Variants in FOCAD observed in about 807,000 individuals in gnomAD.
The protein encoded by FOCAD is focadhesin.
Under a neutral mutation model 225.6 loss-of-function variants are expected in FOCAD, and 198 were observed. That is an observed-to-expected ratio of 0.88 (90% CI 0.78 to 0.99). The LOEUF (loss-of-function observed/expected upper bound fraction) is 0.99. Among genes scored for constraint, FOCAD ranks in the 50% least tolerant of loss-of-function variants. The pLI, the probability that FOCAD is intolerant of heterozygous loss-of-function variation, is 0.00. For synonymous variants in FOCAD, 897 were observed against 755.0 expected, an observed-to-expected ratio of 1.19 and a Z score of -3.08; for missense variants, 2,713 against 2,123.6, an observed-to-expected ratio of 1.28 and a Z score of -5.46.
At chr9:20,834,957 CAAAT>C (rs1825857631) in intron 15 of FOCAD, among the ~76,000 whole-genome samples, 1 of 151,920 alleles carries the variant, frequency 6.6e-6, no homozygotes, top group African/African-American at 2.4e-5. Flanking sequence ...TGTATTGTGT[CAAAT>C]AAAATATATT....
chr9:20,915,282 GAGA>G (rs1274539955), intron 23 of FOCAD, among the ~76,000 whole-genome samples: 2 of 152,166 alleles, frequency 1.3e-5, no homozygotes, highest in African/African-American at 2.4e-5. Flanking sequence ...AATAAAGAAA[GAGA>G]AGATTTCAAA....
chr9:20,860,042 G>T (rs1828618952), intron 15 of FOCAD, among the ~76,000 whole-genome samples: 1 of 152,058 alleles, frequency 6.6e-6, no homozygotes, highest in East Asian at 1.9e-4. Flanking sequence ...CACTTTACAT[G>T]AGGAATTGTA....
chr9:20,864,340 G>T (rs983416286), intron 16 of FOCAD, among the ~76,000 whole-genome samples: 1 of 151,952 alleles, frequency 6.6e-6, no homozygotes, highest in African/African-American at 2.4e-5. Flanking sequence ...CTGGAATCTG[G>T]CCTCATTAGT....
At chr9:20,987,590 A>C (rs1171567181) in intron 40 of FOCAD, among the ~76,000 whole-genome samples, 1 of 152,066 alleles carries the variant, frequency 6.6e-6, no homozygotes, top group Non-Finnish European at 1.5e-5. Context: ...GTGCCTTTCC[A>C]CTGAAAAATG....
At chr9:20,804,809 C>A (rs1007877051) in intron 11 of FOCAD, among the ~76,000 whole-genome samples, 2 of 151,586 alleles carry the variant, frequency 1.3e-5, no homozygotes, top group Non-Finnish European at 2.9e-5. Flanking sequence ...TCCGGGAAAT[C>A]CTTCTGAAGA....
At chr9:20,794,769 A>G (rs1328623800) in intron 11 of FOCAD, among the ~76,000 whole-genome samples, 2 of 152,196 alleles carry the variant, frequency 1.3e-5, no homozygotes, top group African/African-American at 2.4e-5. Context: ...TTGGAATACC[A>G]TTGGTGGATT....
At position 20,770,189 on chromosome 9, in the gene FOCAD, G is replaced by T. The variant is rs762612023; in HGVS notation, c.857G>T (p.Cys286Phe). 2 of 1,614,022 alleles carry T rather than the reference G, an allele frequency of 1.2e-6. No individual in the cohort carries two copies. Among genetic ancestry groups the T allele is most frequent in the Admixed American group, 1.7e-5 (1 of 59,974 alleles). ...SEVSLKITGE[C>F]SSSIHLLEHS... ...GTCAGCTTAAAGATAACTGGTGAAT[G>T]TTCATCTTCAATTCACCTTTTAGAG... The change falls in exon 8 of 44, where the codon TGT (cysteine) becomes TTT (phenylalanine). Residue 286 changes from cysteine to phenylalanine, a missense_variant. Physicochemically the swap from Cys to Phe is radical, Grantham distance 205. Coordinates refer to ENST00000338382, the MANE Select transcript of FOCAD (RefSeq NM_001375567.1).
At chr9:20,912,555 A>G (rs1833525429) in intron 22 of FOCAD, among the ~76,000 whole-genome samples, 1 of 152,172 alleles carries the variant, frequency 6.6e-6, no homozygotes, top group Non-Finnish European at 1.5e-5. Context: ...AAGGCAGATC[A>G]CTAGCAGGTA....
chr9:20,828,229 A>G (rs1018568157), intron 15 of FOCAD, among the ~76,000 whole-genome samples: 1 of 151,950 alleles, frequency 6.6e-6, no homozygotes, highest in Non-Finnish European at 1.5e-5. Context: ...GTAAGATGAT[A>G]GATATATTAG....
chr9:20,980,502 A>AT (rs201026519), intron 37 of FOCAD, among the ~76,000 whole-genome samples: 1 of 72,640 alleles, frequency 1.4e-5, no homozygotes, highest in Non-Finnish European at 3.0e-5. Context: ...ATCTTGGTTA[A>AT]TAAATTAAGT....
At chr9:20,894,493 C>T (rs564600083) in intron 21 of FOCAD, among the ~76,000 whole-genome samples, 93 of 152,206 alleles carry the variant, frequency 6.1e-4, no homozygotes, top group South Asian at 1.0e-3. Flanking sequence ...CATCTCCTTC[C>T]TCTTGCTCCA....
At chr9:20,829,998 A>G (rs2131488904) in intron 15 of FOCAD, among the ~76,000 whole-genome samples, 1 of 152,202 alleles carries the variant, frequency 6.6e-6, no homozygotes, top group South Asian at 2.1e-4. Flanking sequence ...TTCTTCTGAG[A>G]GGTTGACAAA....
chr9:20,874,924 C>A, intron 19 of FOCAD, 117 bp downstream of exon 19: 2 of 1,315,054 alleles, frequency 1.5e-6, no homozygotes, highest in Non-Finnish European at 2.1e-6. Flanking sequence ...ATTTTTTAAC[C>A]AGAATGTTAA....
In FOCAD at chr9:20,688,413, A is replaced by G. The variant is rs79159124; in HGVS notation, c.-33+4120A>G. Among the ~76,000 whole-genome samples the G allele has an allele frequency of 9.7e-3, 1,471 of 152,326 alleles. 17 individuals carry two copies. Among genetic ancestry groups the G allele is most frequent in the Middle Eastern group, 0.017 (5 of 294 alleles). On this transcript the variant is annotated intron_variant, in intron 1 of 43. Coordinates refer to ENST00000338382, the MANE Select transcript of FOCAD (RefSeq NM_001375567.1). Reference sequence around the variant, plus strand: ...AGGTTTATGACTTGCCGAGATAGGAATCACATGAGCAATATCAGATGTATG... The same window carrying G: ...AGGTTTATGACTTGCCGAGATAGGAGTCACATGAGCAATATCAGATGTATG...
At chr9:20,989,020 T>A (rs1337132429) in intron 41 of FOCAD, among the ~76,000 whole-genome samples, 3 of 152,202 alleles carry the variant, frequency 2.0e-5, no homozygotes, top group Non-Finnish European at 4.4e-5. Flanking sequence ...TTTGGGTAAG[T>A]TTAAAAATAA....
intron 16 of FOCAD, 110 bp downstream of exon 16, chr9:20,862,822 T>G (rs1020689772): frequency 7.8e-7 from 1 of 1,281,096 alleles, no homozygotes; most frequent in Middle Eastern, 2.4e-4. Context: ...GTTGTTGTTC[T>G]GAGACCATGT....
chr9:20,821,016 C>T lies in FOCAD; in HGVS notation c.1738C>T (p.Gln580Ter). ...TTCTCTTTCGGTGGGCAAGGAAGTC[C>T]AATGGGAGAAACTGATTGCAAAAGC... ...VPSLSVGKEV[Q>*]WEKLIAKAAS... The change falls in exon 14 of 44, where the codon CAA becomes TAA. Residue 580 changes from glutamine (Q) to a stop codon, truncating the protein, a stop_gained. Coordinates refer to ENST00000338382, the MANE Select transcript of FOCAD (RefSeq NM_001375567.1). LOFTEE classifies it high-confidence loss of function. The T allele has an allele frequency of 1.9e-6, 3 of 1,612,450 alleles. No individual in the cohort carries two copies. Among genetic ancestry groups the T allele is most frequent in the Non-Finnish European group, 2.5e-6 (3 of 1,179,038 alleles).
chr9:20,765,036 T>A lies in FOCAD; in HGVS notation c.662T>A (p.Ile221Lys), dbSNP rs1327239040. ...CAACCATCAATACTGGAACAGCAGA[T>A]ACTTCAACTGTGTTGTGACATAGTT... is the stretch of plus-strand genomic sequence containing the variant. ...KDQPSILEQQ[I>K]LQLCCDIVPC... Residue 221 changes from isoleucine (I) to lysine (K), a missense_variant, in exon 7 of 44, where the codon ATA (isoleucine) becomes AAA (lysine). Ile to Lys is a moderately radical substitution (Grantham distance 102). Coordinates refer to ENST00000338382, the MANE Select transcript of FOCAD (RefSeq NM_001375567.1). 6.2e-7 allele frequency: 1 copy of A among 1,613,962 alleles called. No homozygotes were observed. The highest frequency in any genetic ancestry group is 2.2e-5 in the East Asian group (1 of 44,878).
At chr9:20,808,527 T>C (rs1370474570) in intron 11 of FOCAD, among the ~76,000 whole-genome samples, 2 of 152,216 alleles carry the variant, frequency 1.3e-5, no homozygotes, top group Non-Finnish European at 2.9e-5. Context: ...TTATTATCCT[T>C]AAAGATTATA....
Sources: allele counts gnomAD v4.1 joint callset (sites outside exome capture counted in the v4.1 genomes callset), GRCh38; gene constraint gnomAD v4.1.1; transcripts MANE v1.5; gene names NCBI Gene and HGNC (gene_info 2026-07-23, HGNC 2026-07-21).